Variants in NTRK3 observed in about 807,000 individuals in gnomAD.
NTRK3 encodes the protein NT-3 growth factor receptor.
Under a neutral mutation model 91.7 loss-of-function variants are expected in NTRK3, and 24 were observed. The observed-to-expected ratio is 0.26, with a 90% CI of 0.19 to 0.37. The LOEUF (loss-of-function observed/expected upper bound fraction) is 0.37, where lower values mean the gene tolerates loss of function less well. NTRK3 is among the 10% of genes least tolerant of loss of function. NTRK3 has a pLI of 1.00. For missense variants in NTRK3, 880 were observed against 1,068.9 expected (o/e 0.82, Z 2.46); for synonymous variants, 483 against 404.0 (o/e 1.20, Z -2.34).
exon 13 of NTRK3, chr15:88,126,291 C>T (rs568926009): frequency 3.7e-6 from 6 of 1,613,492 alleles, no homozygotes; most frequent in African/African-American, 2.7e-5. Context: ...AAATTTGGAC[C>T]GTCGACCATA....
At chr15:88,120,950 C>T (rs2052637050) in intron 13 of NTRK3, among the ~76,000 whole-genome samples, 1 of 152,200 alleles carries the variant, frequency 6.6e-6, no homozygotes, top group South Asian at 2.1e-4. Context: ...TCTGTTTCAG[C>T]TCTGATAAAC....
At chr15:87,975,490 T>G (rs571990605) in intron 14 of NTRK3, among the ~76,000 whole-genome samples, 36 of 152,228 alleles carry the variant, frequency 2.4e-4, no homozygotes, top group Admixed American at 2.1e-3. Flanking sequence ...GTTGGTGACA[T>G]TCGAATGCAG....
chr15:87,946,936 C>T (rs958980098), intron 14 of NTRK3, among the ~76,000 whole-genome samples: 3 of 131,148 alleles, frequency 2.3e-5, no homozygotes, highest in Non-Finnish European at 4.6e-5. Flanking sequence ...GGCTGGAGTG[C>T]AATGGCGCAA....
chr15:87,976,509 T>G (rs2073726690), intron 14 of NTRK3, among the ~76,000 whole-genome samples: 1 of 152,166 alleles, frequency 6.6e-6, no homozygotes, highest in African/African-American at 2.4e-5. Context: ...AGGAGCCTTT[T>G]CCCGGCCCGC....
chr15:88,167,122 G>C (rs1177595087), intron 5 of NTRK3, among the ~76,000 whole-genome samples: 1 of 152,126 alleles, frequency 6.6e-6, no homozygotes, highest in African/African-American at 2.4e-5. Flanking sequence ...ACCTAATAGA[G>C]ATTTTGAACC....
chr15:87,953,210 A>C (rs2071322231), intron 14 of NTRK3, among the ~76,000 whole-genome samples: 1 of 152,156 alleles, frequency 6.6e-6, no homozygotes, highest in African/African-American at 2.4e-5. Flanking sequence ...ACCAAAGAAA[A>C]AGAACTGGTG....
chr15:87,876,300 A>G (rs2064947074), exon 19 of NTRK3: 1 of 231,210 alleles, frequency 4.3e-6, no homozygotes, highest in African/African-American at 2.2e-5. Flanking sequence ...TTTAGAATGG[A>G]CAAATTAGAA....
chr15:87,929,557 C>A, intron 16 of NTRK3, 123 bp from the exon 17 acceptor site: 1 of 1,232,820 alleles, frequency 8.1e-7, no homozygotes, highest in East Asian at 2.5e-5. Flanking sequence ...CCTTTCCATC[C>A]TGCCTATGGC....
At chr15:87,971,421 G>T (rs2073244064) in intron 14 of NTRK3, among the ~76,000 whole-genome samples, 1 of 152,220 alleles carries the variant, frequency 6.6e-6, no homozygotes, top group African/African-American at 2.4e-5. Flanking sequence ...TCTGCCATGT[G>T]AATTTTCTTT....
chr15:87,915,631 C>G (rs919279206), intron 17 of NTRK3, among the ~76,000 whole-genome samples: 1 of 152,108 alleles, frequency 6.6e-6, no homozygotes, highest in Non-Finnish European at 1.5e-5. Context: ...CTTCTCCTCT[C>G]TAAATTTAGT....
intron 13 of NTRK3, among the ~76,000 whole-genome samples, chr15:88,076,762 C>T (rs2047583023): frequency 6.6e-6 from 1 of 151,416 alleles, no homozygotes; most frequent in African/African-American, 2.4e-5. Flanking sequence ...CAAAGGGGGC[C>T]TAACATTATC....
rs1203708952 is a variant in NTRK3, at chr15:88,076,929, A to C, written c.1397-43884T>G. ...TGAACATGGTGAAACCCCCACCTCT[A>C]CCAAAAATACAAAAAATTAGCCGGG... On this transcript the variant is annotated intron_variant, in intron 13 of 18. Transcript: ENST00000394480. Among the ~76,000 whole-genome samples the C allele has an allele frequency of 2.6e-5, 4 of 151,938 alleles. No individual in the cohort carries two copies. In the South Asian group the frequency reaches 8.3e-4, roughly 32 times the overall value.
intron 14 of NTRK3, among the ~76,000 whole-genome samples, chr15:88,017,462 A>C (rs2077312684): frequency 6.6e-6 from 1 of 152,266 alleles, no homozygotes; most frequent in South Asian, 2.1e-4. Context: ...GCTTGGAGTT[A>C]GAAAGAAGAC....
rs1282393958 is a variant in NTRK3, at chr15:87,868,709, G to C, written c.*8226C>G. On this transcript the variant is annotated 3_prime_UTR_variant, in exon 19 of 19. Coordinates refer to ENST00000394480, the Ensembl canonical transcript of NTRK3. ...AATTTCAGCTTTGAGGTTCTATGTG[G>C]CTGTTGTGCCACAATGTGGAATTAT... 6 of 220,356 alleles carry C rather than the reference G, an allele frequency of 2.7e-5. No homozygotes were observed. In the Admixed American group the frequency reaches 3.5e-4, roughly 13 times the overall value. 13.7% of individuals were successfully genotyped at this position (220,356 alleles called of 1,614,324 possible).
intron 5 of NTRK3, among the ~76,000 whole-genome samples, chr15:88,157,005 G>T (rs2043966960): frequency 6.6e-6 from 1 of 152,094 alleles, no homozygotes; most frequent in South Asian, 2.1e-4. Context: ...AGAGACCTCA[G>T]CAGAAAAAGG....
At chr15:87,967,981 A>G (rs2072932692) in intron 14 of NTRK3, among the ~76,000 whole-genome samples, 1 of 152,182 alleles carries the variant, frequency 6.6e-6, no homozygotes, top group Non-Finnish European at 1.5e-5. Context: ...GTTTTCCTAG[A>G]ACAGCAGGTC....
At chr15:88,181,920 G>T (rs965195085) in intron 5 of NTRK3, among the ~76,000 whole-genome samples, 19 of 152,218 alleles carry the variant, frequency 1.2e-4, no homozygotes, top group Non-Finnish European at 2.6e-4. Flanking sequence ...CTTCTCAGAT[G>T]TCAAAAGCTT....
intron 3 of NTRK3, among the ~76,000 whole-genome samples, chr15:88,209,405 A>T (rs574660593): frequency 3.3e-5 from 5 of 152,328 alleles, no homozygotes; most frequent in African/African-American, 1.2e-4. Context: ...TGCTATTTGG[A>T]AGACCACATG....
At chr15:88,236,034 G>C (rs2051694344) in intron 3 of NTRK3, among the ~76,000 whole-genome samples, 1 of 152,220 alleles carries the variant, frequency 6.6e-6, no homozygotes, top group Non-Finnish European at 1.5e-5. Flanking sequence ...AAAAAGGTCA[G>C]GCAGTATCTT....
Sources: allele counts gnomAD v4.1 joint callset (sites outside exome capture counted in the v4.1 genomes callset), GRCh38; gene constraint gnomAD v4.1.1; transcripts MANE v1.5; gene names NCBI Gene and HGNC (gene_info 2026-07-23, HGNC 2026-07-21).